The following RIPOR3 variants were observed in gnomAD, a reference collection of about 807,000 sequenced individuals.
RIPOR3 encodes RIPOR family member 3.
Under a neutral mutation model 114.3 loss-of-function variants are expected in RIPOR3, and 95 were observed. That is an observed-to-expected ratio of 0.83 (90% CI 0.70 to 0.99). RIPOR3 has a LOEUF of 0.99. Ranked by LOEUF, RIPOR3 falls within the 50% of genes least tolerant of loss-of-function variation. The pLI, the probability that RIPOR3 is intolerant of heterozygous loss-of-function variation, is 0.00. For missense variants in RIPOR3, 1,252 were observed against 1,266.9 expected (o/e 0.99, Z 0.18); for synonymous variants, 575 against 543.8 (o/e 1.06, Z -0.80).
intron 3 of RIPOR3, 48 bp from the exon 4 acceptor site, chr20:50,616,128 G>A: frequency 3.2e-6 from 5 of 1,572,988 alleles, no homozygotes; most frequent in Non-Finnish European, 4.3e-6. Flanking sequence ...GAAGAAGAAA[G>A]GGAAAGGAAG....
intron 20 of RIPOR3, among the ~76,000 whole-genome samples, chr20:50,589,307 CTTTTTTT>C (rs1241590522): frequency 7.3e-6 from 1 of 137,704 alleles, no homozygotes; most frequent in African/African-American, 2.7e-5. Flanking sequence ...TATTTTGTAA[CTTTTTTT>C]TTTTTTTTTT....
chr20:50,587,704 G>T, intron 21 of RIPOR3, 98 bp downstream of exon 21: 1 of 1,190,088 alleles, frequency 8.4e-7, no homozygotes, highest in Non-Finnish European at 1.2e-6. Flanking sequence ...AGGTGCCCCA[G>T]AGTTGTTCTG....
In RIPOR3 at chr20:50,595,357, G is replaced by A. The variant is rs2083251672; in HGVS notation, c.2050+12C>T. On this transcript the variant is annotated intron_variant, in intron 16 of 21. Coordinates refer to ENST00000327979, the MANE Select transcript of RIPOR3 (RefSeq NM_001290268.2). ...CACATAGGCAGCCCCTGGGTGGCAG[G>A]CAGCTACTTACTCTCTTCAATGGAT... 1.2e-6 allele frequency: 2 copies of A among 1,609,246 alleles called. No individual in the cohort carries two copies. Among genetic ancestry groups the A allele is most frequent in the Non-Finnish European group, 1.7e-6 (2 of 1,176,168 alleles).
chr20:50,616,189 G>A (rs976400600), intron 3 of RIPOR3, 109 bp from the exon 4 acceptor site: 14 of 1,058,754 alleles, frequency 1.3e-5, no homozygotes, highest in Middle Eastern at 2.1e-4. Flanking sequence ...GGGGCTCAGC[G>A]GGGCTCAGAG....
Position 50,602,233 on chromosome 20 carries a change from C to T in RIPOR3, c.1498G>A (p.Gly500Ser), listed in dbSNP as rs748939000. Residue 500 changes from glycine (G) to serine (S), a missense_variant, in exon 13 of 22, where the codon GGC becomes AGC. Physicochemically the swap from Gly to Ser is moderately conservative, Grantham distance 56 (BLOSUM62 0). Coordinates refer to ENST00000327979, the MANE Select transcript of RIPOR3 (RefSeq NM_001290268.2). The surrounding 1 kb of genome is among the most constrained non-coding windows in gnomAD (Gnocchi z 4.3). ...HSGTASSSQN[G>S]HEEGATGDRE... ...TCCCCGGTTGCCCCTTCCTCGTGGC[C>T]GTTCTGGCTACTCGAGGCTGTGCCG... 48 of 1,613,824 alleles carry T rather than the reference C, an allele frequency of 3.0e-5. No individual in the cohort carries two copies. The highest frequency in any genetic ancestry group is 2.2e-4 in the East Asian group (10 of 44,888).
chr20:50,608,933 G>A lies in RIPOR3; in HGVS notation c.663C>T (p.Leu221=). The change falls in exon 9 of 22, where the codon CTC becomes CTT. Residue 221 remains leucine, a synonymous_variant. Coordinates refer to ENST00000327979, the MANE Select transcript of RIPOR3 (RefSeq NM_001290268.2). Reference sequence around the variant, plus strand: ...GTACCTCATAGTGGTCTCCGGGACAGAGGCGTGCGTAGCCCACCAAGCCTG... The same window carrying A: ...GTACCTCATAGTGGTCTCCGGGACAAAGGCGTGCGTAGCCCACCAAGCCTG... ...RMKGLVGYAR[L]CPGDHYEVLM... is the part of the protein sequence containing the mutation. 1 of 1,589,012 alleles carries A rather than the reference G, an allele frequency of 6.3e-7. No homozygotes were observed. The highest frequency in any genetic ancestry group is 1.1e-5 in the South Asian group (1 of 87,674).
chr20:50,603,635 G>T (rs2083583921), intron 12 of RIPOR3, among the ~76,000 whole-genome samples: 1 of 152,180 alleles, frequency 6.6e-6, no homozygotes, highest in Admixed American at 6.5e-5. Flanking sequence ...GAGGTTGCCG[G>T]CCCTATTCCA....
intron 6 of RIPOR3, among the ~76,000 whole-genome samples, chr20:50,610,190 T>A (rs1162055063): frequency 5.7e-4 from 80 of 139,376 alleles, no homozygotes; most frequent in South Asian, 1.2e-3. Context: ...CTCTCCTGCC[T>A]CTCCTGCCAC....
intron 10 of RIPOR3, 22 bp downstream of exon 10, chr20:50,608,591 T>C: frequency 3.7e-6 from 6 of 1,613,720 alleles, no homozygotes; most frequent in Non-Finnish European, 5.1e-6. Context: ...ACCCCAGCCC[T>C]GCCCCCGGGC....
intron 1 of RIPOR3, among the ~76,000 whole-genome samples, chr20:50,637,126 G>A (rs569172318): frequency 6.6e-6 from 1 of 152,302 alleles, no homozygotes; most frequent in African/African-American, 2.4e-5. Flanking sequence ...GTACCAGAGG[G>A]GGCCCGAGAA....
chr20:50,636,639 C>T, intron 1 of RIPOR3: 1 of 985,638 alleles, frequency 1.0e-6, no homozygotes, highest in Non-Finnish European at 1.2e-6. Flanking sequence ...CTCTCTCTGG[C>T]CTGGCACTTA....
chr20:50,679,661 C>T (rs1020533617), intron 1 of RIPOR3, among the ~76,000 whole-genome samples: 7 of 149,338 alleles, frequency 4.7e-5, no homozygotes, highest in Non-Finnish European at 1.0e-4. Flanking sequence ...CCTAGCTACT[C>T]GGGAGGCTGA....
intron 2 of RIPOR3, among the ~76,000 whole-genome samples, chr20:50,625,286 G>A (rs1185094155): frequency 6.6e-6 from 1 of 152,174 alleles, no homozygotes; most frequent in African/African-American, 2.4e-5. Context: ...TGCCCAGGCT[G>A]GTCTTGAATT....
intron 11 of RIPOR3, among the ~76,000 whole-genome samples, chr20:50,606,727 CTT>C (rs55820806): frequency 8.1e-5 from 12 of 147,502 alleles, no homozygotes; most frequent in Admixed American, 2.7e-4. Context: ...GCTTTCTTGC[CTT>C]TTTTTTTTTT....
In RIPOR3 at chr20:50,593,966, T is replaced by A. The variant is rs73272545; in HGVS notation, c.2212+587A>T. Reference sequence around the variant, plus strand: ...AGGCTCTGGTGGGAGGCATGGAATCTGTCCCCAGAAAAATGCTCTGGCGGC... The same window carrying A: ...AGGCTCTGGTGGGAGGCATGGAATCAGTCCCCAGAAAAATGCTCTGGCGGC... On this transcript the variant is annotated intron_variant, in intron 17 of 21. Coordinates refer to ENST00000327979, the MANE Select transcript of RIPOR3 (RefSeq NM_001290268.2). Among the ~76,000 whole-genome samples, 492 of 152,080 alleles carry A rather than the reference T, an allele frequency of 3.2e-3. 2 individuals carry two copies. The highest frequency in any genetic ancestry group is 0.011 in the African/African-American group (466 of 41,508).
intron 1 of RIPOR3, among the ~76,000 whole-genome samples, chr20:50,644,338 T>G (rs182172826): frequency 6.6e-6 from 1 of 152,192 alleles, no homozygotes; most frequent in Non-Finnish European, 1.5e-5. Context: ...CTAAAATAGA[T>G]ATGTTAATTC....
chr20:50,609,076 G>A, intron 8 of RIPOR3, 121 bp from the exon 9 acceptor site: 6 of 1,389,348 alleles, frequency 4.3e-6, no homozygotes, highest in African/African-American at 4.3e-5. Context: ...GAGGATGGGG[G>A]GGAGGTACAC....
Position 50,657,903 on chromosome 20 carries a change from G to A in RIPOR3, c.4-27047C>T, listed in dbSNP as rs553362279. On this transcript the variant is annotated intron_variant, in intron 1 of 21. Coordinates refer to ENST00000327979, the MANE Select transcript of RIPOR3 (RefSeq NM_001290268.2). ...CTCTTAAGTAGCTAGGACTCCAGGT[G>A]CACCACCATGCCTGGCTAATTTTTT... is the stretch of plus-strand genomic sequence containing the variant. 4.0e-4 allele frequency among the ~76,000 whole-genome samples: 61 copies of A among 151,860 alleles called. 1 individual carries two copies. Among genetic ancestry groups the A allele is most frequent in the South Asian group, 3.5e-3 (17 of 4,796 alleles).
At chr20:50,631,323 G>T (rs1001283142) in intron 1 of RIPOR3, among the ~76,000 whole-genome samples, 2 of 152,210 alleles carry the variant, frequency 1.3e-5, no homozygotes, top group African/African-American at 2.4e-5. Context: ...AGTCCATGCT[G>T]GAGTTATGGG....
Sources: gnomAD v4.1 joint callset for allele counts (sites outside exome capture counted in the v4.1 genomes callset) on GRCh38, gnomAD v4.1.1 for gene constraint, Gnocchi (gnomAD v3.1) non-coding constraint, MANE v1.5 for transcripts, NCBI Gene and HGNC (gene_info 2026-07-23, HGNC 2026-07-21) for gene names.